Variants in CADPS2 observed in about 807,000 individuals in gnomAD.
CADPS2 encodes calcium-dependent secretion activator 2.
A neutral mutation model predicts 172.5 loss-of-function variants in CADPS2; 93 were observed. The observed-to-expected ratio is 0.54, with a 90% CI of 0.46 to 0.64. The LOEUF (loss-of-function observed/expected upper bound fraction) is 0.64, where lower values mean the gene tolerates loss of function less well. CADPS2 is among the 30% of genes least tolerant of loss of function. The probability of loss-of-function intolerance (pLI) is 0.00; values close to 1 mark genes in which losing one functional copy is unlikely to be tolerated. For missense variants in CADPS2, 1,420 were observed against 1,565.9 expected (o/e 0.91, Z 1.57); for synonymous variants, 546 against 555.2 (o/e 0.98, Z 0.23).
At chr7:122,630,581 C>T (rs1476878637) in intron 3 of CADPS2, among the ~76,000 whole-genome samples, 2 of 152,040 alleles carry the variant, frequency 1.3e-5, no homozygotes, top group African/African-American at 4.8e-5. Flanking sequence ...TTAGTTCCTA[C>T]AACAATGGGA....
At chr7:122,413,374 G>A (rs2047530970) in intron 19 of CADPS2, among the ~76,000 whole-genome samples, 1 of 152,342 alleles carries the variant, frequency 6.6e-6, no homozygotes, top group Admixed American at 6.5e-5. Flanking sequence ...AGCCTGAGAA[G>A]AGAGGTTGAG....
At chr7:122,698,331 A>G in intron 2 of CADPS2, 1 of 1,614,052 alleles carries the variant, frequency 6.2e-7, no homozygotes, top group Non-Finnish European at 8.5e-7. Context: ...CAGTTGTGAC[A>G]ATCACAAAAG....
At chr7:122,784,617 T>A (rs951098305) in intron 1 of CADPS2, among the ~76,000 whole-genome samples, 1 of 152,240 alleles carries the variant, frequency 6.6e-6, no homozygotes, top group African/African-American at 2.4e-5. Context: ...TCTATTTCTC[T>A]CAGTAGTGTG....
At chr7:122,409,491 C>T in intron 19 of CADPS2, 1 of 294,376 alleles carries the variant, frequency 3.4e-6, no homozygotes, top group Non-Finnish European at 7.5e-6. Flanking sequence ...AAAACAGCTT[C>T]AGGTTGGCAA....
chr7:122,386,215 A>G (rs1190713375), intron 24 of CADPS2: 1 of 999,614 alleles, frequency 1.0e-6, no homozygotes, highest in African/African-American at 1.7e-5. Context: ...TTAATTTGAA[A>G]AGATGAAAAT....
At chr7:122,775,500 C>G (rs1469782818) in intron 1 of CADPS2, among the ~76,000 whole-genome samples, 1 of 152,156 alleles carries the variant, frequency 6.6e-6, no homozygotes, top group Non-Finnish European at 1.5e-5. Context: ...TTTAAAGGAG[C>G]TACTAGCAAA....
chr7:122,494,048 A>G, intron 9 of CADPS2, among the ~76,000 whole-genome samples: 1 of 152,168 alleles, frequency 6.6e-6, no homozygotes, highest in South Asian at 2.1e-4. Flanking sequence ...AATGGTGAAC[A>G]TCTACAATCA....
chr7:122,753,649 A>T (rs1319414478), intron 1 of CADPS2, among the ~76,000 whole-genome samples: 1 of 152,228 alleles, frequency 6.6e-6, no homozygotes, highest in African/African-American at 2.4e-5. Flanking sequence ...ATGATTGAAG[A>T]AAGTAAAATT....
intron 1 of CADPS2, among the ~76,000 whole-genome samples, chr7:122,823,557 G>C (rs1447771652): frequency 1.3e-5 from 2 of 152,104 alleles, no homozygotes; most frequent in Non-Finnish European, 2.9e-5. Flanking sequence ...AGTAGGCTTG[G>C]GGGTGGGACT....
intron 25 of CADPS2, among the ~76,000 whole-genome samples, chr7:122,369,201 G>A (rs10230333): frequency 0.15 from 20,128 of 131,622 alleles, 1,488 homozygotes; most frequent in Middle Eastern, 0.21. Context: ...GCGCAATCTC[G>A]GCTCACTGCA....
intron 6 of CADPS2, among the ~76,000 whole-genome samples, chr7:122,594,501 T>C (rs1285678805): frequency 6.6e-6 from 1 of 151,960 alleles, no homozygotes. Flanking sequence ...GCCTCCAGAA[T>C]AATAGGATAA....
chr7:122,694,165 G>C (rs967351354), intron 2 of CADPS2, among the ~76,000 whole-genome samples: 76 of 152,164 alleles, frequency 5.0e-4, no homozygotes, highest in Admixed American at 3.9e-3. Context: ...GTGGCACTTG[G>C]TAAAACTAAA....
At chr7:122,808,906 A>G (rs1799388797) in intron 1 of CADPS2, among the ~76,000 whole-genome samples, 2 of 152,312 alleles carry the variant, frequency 1.3e-5, no homozygotes, top group East Asian at 1.9e-4. Context: ...GTAAATATGC[A>G]TGATATATGT....
intron 3 of CADPS2, among the ~76,000 whole-genome samples, chr7:122,654,136 A>G (rs896367966): frequency 3.3e-5 from 5 of 152,194 alleles, no homozygotes; most frequent in African/African-American, 9.7e-5. Context: ...GGTGTAGAAG[A>G]AAAGTTTGAA....
intron 1 of CADPS2, among the ~76,000 whole-genome samples, chr7:122,784,557 A>G (rs188463742): frequency 3.2e-4 from 48 of 152,278 alleles, no homozygotes; most frequent in African/African-American, 1.1e-3. Flanking sequence ...CCTTTTCTTA[A>G]TCTAGGCAGG....
At chr7:122,485,557 G>T (rs2057722986) in intron 11 of CADPS2, among the ~76,000 whole-genome samples, 1 of 152,182 alleles carries the variant, frequency 6.6e-6, no homozygotes, top group Non-Finnish European at 1.5e-5. Context: ...TGTGAAGCCA[G>T]CAGAGGTCAG....
At chr7:122,761,926 A>G (rs2093393781) in intron 1 of CADPS2, among the ~76,000 whole-genome samples, 1 of 147,986 alleles carries the variant, frequency 6.8e-6, no homozygotes. Flanking sequence ...TGAACCCAGG[A>G]GGCAGATGTT....
Position 122,629,235 on chromosome 7 carries a change from G to A in CADPS2, c.867+13C>T, listed in dbSNP as rs1293022445. On this transcript the variant is annotated intron_variant, in intron 4 of 29. Coordinates refer to ENST00000449022, the MANE Select transcript of CADPS2 (RefSeq NM_017954.11). ...AAGGAATGTCATACAGTATGTCCAA[G>A]TTAATAATTTACCTTTGCCATTTTA... 1 of 1,599,508 alleles carries A rather than the reference G, an allele frequency of 6.3e-7. No individual in the cohort carries two copies. Among genetic ancestry groups the A allele is most frequent in the Non-Finnish European group, 8.5e-7 (1 of 1,170,950 alleles).
intron 2 of CADPS2, among the ~76,000 whole-genome samples, chr7:122,734,825 T>C (rs1318333628): frequency 6.6e-6 from 1 of 152,106 alleles, no homozygotes; most frequent in Non-Finnish European, 1.5e-5. Flanking sequence ...ATAATGAGCA[T>C]CACAAATCTT....
Sources: allele counts gnomAD v4.1 joint callset (sites outside exome capture counted in the v4.1 genomes callset), GRCh38; gene constraint gnomAD v4.1.1; transcripts MANE v1.5; gene names NCBI Gene and HGNC (gene_info 2026-07-23, HGNC 2026-07-21).